Variants in UBXN2A observed in about 807,000 individuals in gnomAD.
UBXN2A encodes the protein UBX domain protein 2A, also known as UBX domain-containing protein 2A.
A neutral mutation model predicts 28.4 loss-of-function variants in UBXN2A; 28 were observed. That is an observed-to-expected ratio of 0.99 (90% CI 0.73 to 1.35). UBXN2A has a LOEUF of 1.35. Ranked by LOEUF, UBXN2A falls within the 40% of genes most tolerant of loss-of-function variation. The probability of loss-of-function intolerance (pLI) is 0.00; values close to 1 mark genes in which losing one functional copy is unlikely to be tolerated. For missense variants in UBXN2A, 253 were observed against 297.9 expected (o/e 0.85, Z 1.11); for synonymous variants, 97 against 103.6 (o/e 0.94, Z 0.39).
At chr2:23,943,608 C>T (rs967605657) in intron 1 of UBXN2A, among the ~76,000 whole-genome samples, 1 of 152,124 alleles carries the variant, frequency 6.6e-6, no homozygotes, top group African/African-American at 2.4e-5. Context: ...CTGCCTCAGC[C>T]TCCCAAGTAG....
At chr2:23,944,728 G>A (rs1351340741) in intron 1 of UBXN2A, among the ~76,000 whole-genome samples, 2 of 152,144 alleles carry the variant, frequency 1.3e-5, no homozygotes, top group Admixed American at 6.5e-5. Context: ...CTGGGGACTG[G>A]GGGTGAGGCT....
upstream of UBXN2A, among the ~76,000 whole-genome samples, chr2:23,938,528 G>A (rs1705602610): frequency 6.7e-6 from 1 of 148,534 alleles, no homozygotes; most frequent in Admixed American, 6.7e-5. Flanking sequence ...AGCAATCCCT[G>A]TCAAAATCCC....
Position 24,001,525 on chromosome 2 carries a change from C to G in UBXN2A, c.*1658C>G, listed in dbSNP as rs1450773099. 1 of 151,948 alleles carries G rather than the reference C, an allele frequency of 6.6e-6. No homozygotes were observed. The highest frequency in any genetic ancestry group is 2.4e-5 in the African/African-American group (1 of 41,350). The allele number at this position is 151,948 out of a possible 1,614,324, so 9.4% of individuals were successfully genotyped here. A position where few individuals can be genotyped will look rare whatever the true frequency, so the allele number is the denominator to read the frequency against. ...AGCATGCATTGAGTGTGCCAAGGAACTAAGTGGTCCATAGCAGCAGTAATG... is the reference window on the plus strand; with the variant it reads ...AGCATGCATTGAGTGTGCCAAGGAAGTAAGTGGTCCATAGCAGCAGTAATG... On this transcript the variant is annotated 3_prime_UTR_variant, in exon 7 of 7. Transcript: ENST00000309033.
chr2:23,951,413 G>GATATATATATATAT (rs57701448), intron 1 of UBXN2A, among the ~76,000 whole-genome samples: 10 of 109,902 alleles, frequency 9.1e-5, no homozygotes, highest in African/African-American at 1.6e-4. Flanking sequence ...CAGTAAGATG[G>GATATATATATATAT]ATATATATAT....
At chr2:23,952,147 A>G (rs1215585596) in intron 1 of UBXN2A, among the ~76,000 whole-genome samples, 4 of 151,352 alleles carry the variant, frequency 2.6e-5, no homozygotes, top group Non-Finnish European at 5.9e-5. Context: ...TTGTATTTTT[A>G]GTAGAGATGG....
At chr2:23,928,669 T>C (rs1350017346) in intron 1 of UBXN2A, among the ~76,000 whole-genome samples, 2 of 151,870 alleles carry the variant, frequency 1.3e-5, no homozygotes, top group Non-Finnish European at 2.9e-5. Context: ...CTAAGAAAAA[T>C]TGAAAACTCA....
chr2:23,931,736 G>A (rs2150782463), intron 1 of UBXN2A, among the ~76,000 whole-genome samples: 1 of 152,292 alleles, frequency 6.6e-6, no homozygotes, highest in East Asian at 1.9e-4. Flanking sequence ...TGCAAGGCCG[G>A]GCACAGTGGC....
At chr2:23,970,209 T>C (rs1249235751) in intron 2 of UBXN2A, among the ~76,000 whole-genome samples, 1 of 152,100 alleles carries the variant, frequency 6.6e-6, no homozygotes, top group Middle Eastern at 3.2e-3. Context: ...GGTTGAGCCC[T>C]GGAGGTTGAG....
chr2:23,986,186 T>C (rs1309829703), intron 6 of UBXN2A, among the ~76,000 whole-genome samples: 2 of 151,722 alleles, frequency 1.3e-5, no homozygotes, highest in Admixed American at 1.3e-4. Context: ...GGTGGGCGCC[T>C]GTAGTCCCAG....
At chr2:23,938,552 T>C (rs201237460), upstream of UBXN2A, among the ~76,000 whole-genome samples, 21 of 99,658 alleles carry the variant, frequency 2.1e-4, no homozygotes, top group South Asian at 6.7e-4. Context: ...GGCCCCCCCC[T>C]CCCTTTTTTT....
At chr2:23,948,093 G>C in intron 1 of UBXN2A, among the ~76,000 whole-genome samples, 1 of 152,016 alleles carries the variant, frequency 6.6e-6, no homozygotes, top group Admixed American at 6.6e-5. Context: ...GGCCTGAGGT[G>C]ATCCGCCCGC....
At chr2:23,950,449 G>A (rs533094744) in intron 1 of UBXN2A, among the ~76,000 whole-genome samples, 1 of 152,028 alleles carries the variant, frequency 6.6e-6, no homozygotes, top group Non-Finnish European at 1.5e-5. Flanking sequence ...TGTTGTCCAC[G>A]CTGGAGTGCA....
At chr2:23,936,445 C>T (rs1024556512), upstream of UBXN2A, among the ~76,000 whole-genome samples, 1 of 151,708 alleles carries the variant, frequency 6.6e-6, no homozygotes, top group African/African-American at 2.4e-5. Flanking sequence ...CGTGGTGGCT[C>T]AGACCTGTAA....
intron 1 of UBXN2A, among the ~76,000 whole-genome samples, chr2:23,953,387 C>T (rs1325011823): frequency 2.0e-5 from 3 of 152,100 alleles, no homozygotes; most frequent in Non-Finnish European, 2.9e-5. Flanking sequence ...CCATCCACTC[C>T]CCAATCCACT....
At chr2:23,983,244 G>A (rs988808045) in intron 5 of UBXN2A, among the ~76,000 whole-genome samples, 4 of 152,084 alleles carry the variant, frequency 2.6e-5, no homozygotes, top group African/African-American at 9.7e-5. Context: ...AGTGGCTCAT[G>A]CCTGTAATCC....
chr2:23,948,444 G>A (rs1200687578), intron 1 of UBXN2A, among the ~76,000 whole-genome samples: 1 of 151,408 alleles, frequency 6.6e-6, no homozygotes. Context: ...GTAGAGACAG[G>A]GTTTCACCAT....
intron 1 of UBXN2A, among the ~76,000 whole-genome samples, chr2:23,941,367 T>G (rs4564735): frequency 0.73 from 111,357 of 152,116 alleles, 41,192 homozygotes; most frequent in East Asian, 0.85. Flanking sequence ...TGTGTCTTCT[T>G]TCTAAATATG....
At chr2:23,982,867 T>G (rs1478173800) in intron 4 of UBXN2A, 29 bp from the exon 5 acceptor site, 1 of 1,574,320 alleles carries the variant, frequency 6.4e-7, no homozygotes, top group Non-Finnish European at 8.6e-7. Flanking sequence ...CATTGGGAGC[T>G]TTATCATTTT....
At chr2:23,960,235 G>A (rs889406155) in intron 2 of UBXN2A, among the ~76,000 whole-genome samples, 9 of 151,742 alleles carry the variant, frequency 5.9e-5, no homozygotes, top group Non-Finnish European at 1.2e-4. Flanking sequence ...CAGCCTGGGC[G>A]ACAGAGTGAG....
Sources: allele counts gnomAD v4.1 joint callset (sites outside exome capture counted in the v4.1 genomes callset), GRCh38; gene constraint gnomAD v4.1.1; transcripts MANE v1.5; gene names NCBI Gene and HGNC (gene_info 2026-07-23, HGNC 2026-07-21).